Variants in NFIB observed in about 807,000 individuals in gnomAD.
NFIB encodes nuclear factor 1 B-type.
In NFIB, 11 loss-of-function variants were observed where a neutral mutation model predicts 61.5. That is an observed-to-expected ratio of 0.18 (90% CI 0.11 to 0.30). The LOEUF is 0.30. Ranked by LOEUF, NFIB falls within the 10% of genes least tolerant of loss-of-function variation. The pLI, the probability that NFIB is intolerant of heterozygous loss-of-function variation, is 1.00. For synonymous variants in NFIB, 260 were observed against 216.5 expected (o/e 1.20, Z -1.76); for missense variants, 471 against 608.9 (o/e 0.77, Z 2.38).
In NFIB at chr9:14,306,997, T is replaced by C. The variant is rs1306896140; in HGVS notation, c.554A>G (p.Gln185Arg). ...GAACAATCTGCTCCTACCTTGCTCCTGCACGTAGTATGCCAAAAACAAATC... is the reference window on the plus strand; with the variant it reads ...GAACAATCTGCTCCTACCTTGCTCCCGCACGTAGTATGCCAAAAACAAATC... ...ELDLFLAYYV[Q>R]EQDSGQSGSP... is the part of the protein sequence containing the mutation. Residue 185 changes from glutamine to arginine, a missense_variant, in exon 2 of 11, where the codon CAG (glutamine) becomes CGG (arginine). Transcript: ENST00000380953. 2 of 1,613,990 alleles carry C rather than the reference T, an allele frequency of 1.2e-6. No homozygotes were observed. Among genetic ancestry groups the C allele is most frequent in the African/African-American group, 1.3e-5 (1 of 74,936 alleles).
At chr9:14,260,528 T>A (rs2056648428) in intron 2 of NFIB, among the ~76,000 whole-genome samples, 1 of 152,358 alleles carries the variant, frequency 6.6e-6, no homozygotes, top group Non-Finnish European at 1.5e-5. Flanking sequence ...CTAAATCTCA[T>A]GGTGCTTCAA....
At chr9:14,415,803 A>G in the NFIB span, among the ~76,000 whole-genome samples, 2 of 152,134 alleles carry the variant, frequency 1.3e-5, no homozygotes, top group Non-Finnish European at 2.9e-5. Context: ...GGCTTTGGGG[A>G]AGGTAATCAA....
At chr9:14,374,394 C>T (rs1380762267) in intron 1 of NFIB, among the ~76,000 whole-genome samples, 2 of 152,158 alleles carry the variant, frequency 1.3e-5, no homozygotes, top group Non-Finnish European at 2.9e-5. Flanking sequence ...AAAAGTTCAT[C>T]TGTGTCTGTT....
intron 6 of NFIB, among the ~76,000 whole-genome samples, chr9:14,127,096 G>A (rs2039755234): frequency 6.6e-6 from 1 of 152,170 alleles, no homozygotes; most frequent in African/African-American, 2.4e-5. Context: ...ATGAGAGCTT[G>A]AAATAAGAAT....
chr9:14,276,001 G>A (rs1041322029), intron 2 of NFIB, among the ~76,000 whole-genome samples: 1 of 151,896 alleles, frequency 6.6e-6, no homozygotes, highest in African/African-American at 2.4e-5. Flanking sequence ...AGCATATATG[G>A]ATAGCTTGAC....
chr9:14,330,549 T>C (rs1205019538), intron 1 of NFIB, among the ~76,000 whole-genome samples: 1 of 152,240 alleles, frequency 6.6e-6, no homozygotes, highest in African/African-American at 2.4e-5. Context: ...TGATGATCCA[T>C]GTCTGTTGTA....
intron 3 of NFIB, among the ~76,000 whole-genome samples, chr9:14,159,416 G>C (rs1471153453): frequency 6.6e-6 from 1 of 152,174 alleles, no homozygotes; most frequent in Non-Finnish European, 1.5e-5. Context: ...CTCTACTCCT[G>C]CATGGAGCCC....
At chr9:14,336,678 G>A (rs985187119) in intron 1 of NFIB, among the ~76,000 whole-genome samples, 1 of 152,222 alleles carries the variant, frequency 6.6e-6, no homozygotes, top group African/African-American at 2.4e-5. Flanking sequence ...CAGTGGCCCA[G>A]AGCCTGTGCT....
At chr9:14,186,087 G>T (rs1247351777) in intron 2 of NFIB, among the ~76,000 whole-genome samples, 2 of 152,124 alleles carry the variant, frequency 1.3e-5, no homozygotes, top group African/African-American at 2.4e-5. Flanking sequence ...AAAGACAACT[G>T]GAAAAGCATA....
chr9:14,365,487 T>C (rs578003570), intron 1 of NFIB, among the ~76,000 whole-genome samples: 1 of 152,176 alleles, frequency 6.6e-6, no homozygotes, highest in East Asian at 1.9e-4. Flanking sequence ...AGTACAAAAG[T>C]TTTCCCTGCC....
At chr9:14,171,406 T>G (rs578169165) in intron 3 of NFIB, among the ~76,000 whole-genome samples, 8 of 152,198 alleles carry the variant, frequency 5.3e-5, no homozygotes, top group African/African-American at 1.9e-4. Flanking sequence ...CTATGACTGC[T>G]CCTTTAAATA....
intron 2 of NFIB, among the ~76,000 whole-genome samples, chr9:14,215,573 T>A (rs2050770288): frequency 6.6e-6 from 1 of 152,170 alleles, no homozygotes; most frequent in African/African-American, 2.4e-5. Context: ...AAAAGTCATT[T>A]AAAAAAACTA....
At chr9:14,504,115 A>T in the NFIB span, among the ~76,000 whole-genome samples, 1 of 152,144 alleles carries the variant, frequency 6.6e-6, no homozygotes, top group South Asian at 2.1e-4. Context: ...TTTGTCAAAG[A>T]TCAGTTGGCT....
At chr9:14,513,408 T>C in the NFIB span, among the ~76,000 whole-genome samples, 1 of 152,142 alleles carries the variant, frequency 6.6e-6, no homozygotes, top group African/African-American at 2.4e-5. Context: ...GGCGGGCAGA[T>C]CACTAGGTCA....
the NFIB span, among the ~76,000 whole-genome samples, chr9:14,505,490 T>C: frequency 6.6e-6 from 1 of 152,186 alleles, no homozygotes; most frequent in South Asian, 2.1e-4. Context: ...GCCTTGAACT[T>C]GTGCATGAAT....
chr9:14,296,230 T>C (rs1178622968), intron 2 of NFIB, among the ~76,000 whole-genome samples: 1 of 152,250 alleles, frequency 6.6e-6, no homozygotes, highest in Non-Finnish European at 1.5e-5. Context: ...TAGTAATTGC[T>C]ATTATTAACA....
At chr9:14,187,031 G>A (rs60889528) in intron 2 of NFIB, among the ~76,000 whole-genome samples, 12,156 of 82,106 alleles carry the variant, frequency 0.15, 720 homozygotes, top group East Asian at 0.35. Context: ...GTGTGTATGT[G>A]TGTGTGTGTG....
At chr9:14,488,666 T>C in the NFIB span, among the ~76,000 whole-genome samples, 2 of 152,162 alleles carry the variant, frequency 1.3e-5, no homozygotes, top group Admixed American at 1.3e-4. Context: ...CACGTACTCA[T>C]AGGCTACGCA....
At chr9:14,502,026 AT>A in the NFIB span, among the ~76,000 whole-genome samples, 1 of 152,232 alleles carries the variant, frequency 6.6e-6, no homozygotes, top group African/African-American at 2.4e-5. Flanking sequence ...AAGTTTTGAT[AT>A]TAGATATTAG....
Sources: allele counts gnomAD v4.1 joint callset (sites outside exome capture counted in the v4.1 genomes callset), GRCh38; gene constraint gnomAD v4.1.1; transcripts MANE v1.5; gene names NCBI Gene and HGNC (gene_info 2026-07-23, HGNC 2026-07-21).